The following AGAP1 variants were observed in gnomAD, a reference collection of about 807,000 sequenced individuals.
AGAP1 encodes ArfGAP with GTPase domain, ankyrin repeat and PH domain 1, also known as arf-GAP with GTPase, ANK repeat and PH domain-containing protein 1.
In AGAP1, 29 loss-of-function variants were observed where a neutral mutation model predicts 105.3. That is an observed-to-expected ratio of 0.28 (90% CI 0.21 to 0.38). The LOEUF is 0.38. Among genes scored for constraint, AGAP1 ranks in the 10% least tolerant of loss-of-function variants. AGAP1 has a pLI of 1.00. For synonymous variants in AGAP1, 509 were observed against 485.9 expected (o/e 1.05, Z -0.63); for missense variants, 998 against 1,165.1 (o/e 0.86, Z 2.09).
chr2:236,028,175 A>G (rs1047987674), intron 13 of AGAP1, among the ~76,000 whole-genome samples: 20 of 152,166 alleles, frequency 1.3e-4, no homozygotes, highest in African/African-American at 4.6e-4. Context: ...GCTGGTGCCC[A>G]TCAGCCTGGG....
rs2050634151 is a variant in AGAP1 at position 235,893,262 on chromosome 2, A to T, written c.1155+9813A>T. Among the ~76,000 whole-genome samples, 1 of 149,972 alleles carries T rather than the reference A, an allele frequency of 6.7e-6. No homozygotes were observed. Among genetic ancestry groups the T allele is most frequent in the African/African-American group, 2.5e-5 (1 of 40,434 alleles). On this transcript the variant is annotated intron_variant, in intron 10 of 17. Transcript: ENST00000304032. This position sits in a 1 kb window ranked among gnomAD's most constrained non-coding sequence, Gnocchi z 4.7. The stretch of plus-strand genomic sequence containing the variant: ...GCGCGGGTGTGCCATGTCCATCATA[A>T]GGAAGCGCCGTGTCTGTAGCGTGGG...
chr2:235,773,350 G>A (rs993791574), intron 6 of AGAP1, among the ~76,000 whole-genome samples: 4 of 152,134 alleles, frequency 2.6e-5, no homozygotes, highest in African/African-American at 9.7e-5. Context: ...TTTGGCCTAC[G>A]GTCAGTCTGA....
chr2:235,713,180 A>G (rs991940918), intron 2 of AGAP1, among the ~76,000 whole-genome samples: 2 of 152,240 alleles, frequency 1.3e-5, no homozygotes, highest in Non-Finnish European at 2.9e-5. Flanking sequence ...TCCTCGAGAA[A>G]GAGAAACTGA....
chr2:235,884,137 C>A (rs1372867175), intron 10 of AGAP1, among the ~76,000 whole-genome samples: 1 of 152,196 alleles, frequency 6.6e-6, no homozygotes, highest in Non-Finnish European at 1.5e-5. Flanking sequence ...CATTCCATAA[C>A]TCTTACTTGA....
rs1415264819 is a variant in AGAP1 at position 236,014,397 on chromosome 2, C to T, written c.1646-22164C>T. Among the ~76,000 whole-genome samples the T allele has an allele frequency of 1.3e-5, 2 of 152,176 alleles. No homozygotes were observed. The highest frequency in any genetic ancestry group is 1.9e-4 in the East Asian group (1 of 5,194). ...CCAGGGTCTCTTGATTTGACATGCT[C>T]CTAATATTTGGCCGAATCAAAGGGC... On this transcript the variant is annotated intron_variant, in intron 13 of 17. Coordinates refer to ENST00000304032, the MANE Select transcript of AGAP1 (RefSeq NM_001037131.3). This position sits in a 1 kb window ranked among gnomAD's most constrained non-coding sequence, Gnocchi z 6.3.
chr2:235,599,459 G>A lies in AGAP1; in HGVS notation c.163+104610G>A, dbSNP rs1295596456. On this transcript the variant is annotated intron_variant, in intron 1 of 17. Transcript: ENST00000304032. The surrounding 1 kb of genome is among the most constrained non-coding windows in gnomAD (Gnocchi z 5.3). ...TGCATGAATTAGCCACACGCAGAGG[G>A]CAGTTATGTGTGATGTGGGAAATGA... is the stretch of plus-strand genomic sequence containing the variant. Among the ~76,000 whole-genome samples, 1 of 152,128 alleles carries A rather than the reference G, an allele frequency of 6.6e-6. No individual in the cohort carries two copies. Among genetic ancestry groups the A allele is most frequent in the African/African-American group, 2.4e-5 (1 of 41,438 alleles).
intron 8 of AGAP1, among the ~76,000 whole-genome samples, chr2:235,800,900 T>C (rs1379658503): frequency 6.6e-6 from 1 of 152,188 alleles, no homozygotes; most frequent in African/African-American, 2.4e-5. Context: ...TTTGGTTGAT[T>C]ACTGCTGACC....
At chr2:235,686,659 ATATATATT>A (rs1949455092) in intron 1 of AGAP1, among the ~76,000 whole-genome samples, 20 of 42,272 alleles carry the variant, frequency 4.7e-4, no homozygotes, top group East Asian at 2.1e-3. Context: ...ATATATATAT[ATATATATT>A]TTTTTTTTTT....
rs1347498093 is a variant in AGAP1, at chr2:235,660,171, T to G, written c.164-49008T>G. On this transcript the variant is annotated intron_variant, in intron 1 of 17. Transcript: ENST00000304032. This position sits in a 1 kb window ranked among gnomAD's most constrained non-coding sequence, Gnocchi z 5.3. ...TTCTCAGGGGGGCGGCCACCCAAGA[T>G]CAGCTGCGGCTGAGGATTTTTGTGG... is the stretch of plus-strand genomic sequence containing the variant. Among the ~76,000 whole-genome samples the G allele has an allele frequency of 1.3e-5, 2 of 152,088 alleles. No homozygotes were observed. Among genetic ancestry groups the G allele is most frequent in the African/African-American group, 4.8e-5 (2 of 41,428 alleles).
chr2:235,609,649 G>A lies in AGAP1; in HGVS notation c.164-99530G>A, dbSNP rs1574957575. Among the ~76,000 whole-genome samples the A allele has an allele frequency of 6.6e-6, 1 of 152,098 alleles. No homozygotes were observed. The highest frequency in any genetic ancestry group is 1.5e-5 in the Non-Finnish European group (1 of 68,020). On this transcript the variant is annotated intron_variant, in intron 1 of 17. Coordinates refer to ENST00000304032, the MANE Select transcript of AGAP1 (RefSeq NM_001037131.3). The surrounding 1 kb of genome is among the most constrained non-coding windows in gnomAD (Gnocchi z 5.1). Reference sequence around the variant, plus strand: ...GCCTGTCTCAGTGCTCTGGGGTCCCGTGCTGAGGGAGCATCCTTATGGTAA... The same window carrying A: ...GCCTGTCTCAGTGCTCTGGGGTCCCATGCTGAGGGAGCATCCTTATGGTAA...
rs533119587 is a variant in AGAP1, at chr2:235,798,287, C to T, written c.801+401C>T. ...AGTGGCATTCAATTATAATTACCAT[C>T]TCCCTTAGGTCCCATAGAAACTGCT... On this transcript the variant is annotated intron_variant, in intron 7 of 17. Transcript: ENST00000304032. 8.5e-5 allele frequency among the ~76,000 whole-genome samples: 13 copies of T among 152,302 alleles called. 1 individual carries two copies. The South Asian group carries it at 2.7e-3, about 32-fold the overall frequency.
chr2:235,593,259 G>T (rs982078674), intron 1 of AGAP1, among the ~76,000 whole-genome samples: 2 of 152,182 alleles, frequency 1.3e-5, no homozygotes, highest in African/African-American at 4.8e-5. Context: ...AGTGGATTGG[G>T]TAAATAGGCT....
In AGAP1 at chr2:235,551,715, A is replaced by C. The variant is rs1943815732; in HGVS notation, c.163+56866A>C. 6.6e-6 allele frequency among the ~76,000 whole-genome samples: 1 copy of C among 152,156 alleles called. No homozygotes were observed. The highest frequency in any genetic ancestry group is 2.1e-4 in the South Asian group (1 of 4,816). ...GCAGGATGTTTGCTGAGCATTTGTG[A>C]GTGGAGCATCTTTAGGGAAAGCAGG... On this transcript the variant is annotated intron_variant, in intron 1 of 17. Transcript: ENST00000304032. The surrounding 1 kb of genome is among the most constrained non-coding windows in gnomAD (Gnocchi z 4.8).
chr2:235,605,024 G>A (rs1271297946), intron 1 of AGAP1, among the ~76,000 whole-genome samples: 2 of 151,836 alleles, frequency 1.3e-5, no homozygotes, highest in Non-Finnish European at 2.9e-5. Context: ...GGCCACAGGC[G>A]TGCATCACCA....
At position 235,842,146 on chromosome 2, in the gene AGAP1, G is replaced by A. The variant is rs969434708; in HGVS notation, c.1050+34815G>A. 2.0e-5 allele frequency among the ~76,000 whole-genome samples: 3 copies of A among 152,154 alleles called. No individual in the cohort carries two copies. Among genetic ancestry groups the A allele is most frequent in the Admixed American group, 6.5e-5 (1 of 15,286 alleles). On this transcript the variant is annotated intron_variant, in intron 9 of 17. Coordinates refer to ENST00000304032, the MANE Select transcript of AGAP1 (RefSeq NM_001037131.3). This position sits in a 1 kb window ranked among gnomAD's most constrained non-coding sequence, Gnocchi z 5.3. ...AGCCTGCTGGCGTTGGGCTTCCTCCGCTCCTGGTTTCTTAGTTCTGGAGCA... is the reference window on the plus strand; with the variant it reads ...AGCCTGCTGGCGTTGGGCTTCCTCCACTCCTGGTTTCTTAGTTCTGGAGCA...
intron 13 of AGAP1, among the ~76,000 whole-genome samples, chr2:236,018,120 T>A (rs1356215791): frequency 6.6e-6 from 1 of 152,246 alleles, no homozygotes; most frequent in East Asian, 1.9e-4. Flanking sequence ...TGCACTAATG[T>A]ACAAACTTTT....
Position 236,062,781 on chromosome 2 carries a change from C to A in AGAP1, c.2114+13500C>A, listed in dbSNP as rs1009454726. ...GGTTCAAGCAAATTCTCTGCCTCAG[C>A]CTCCCAAGTAGCTGGGATTACAGGC... is the stretch of plus-strand genomic sequence containing the variant. On this transcript the variant is annotated intron_variant, in intron 16 of 17. Transcript: ENST00000304032. This position sits in a 1 kb window ranked among gnomAD's most constrained non-coding sequence, Gnocchi z 4.2. Among the ~76,000 whole-genome samples the A allele has an allele frequency of 6.6e-6, 1 of 152,174 alleles. No homozygotes were observed. The highest frequency in any genetic ancestry group is 1.5e-5 in the Non-Finnish European group (1 of 68,038).
intron 8 of AGAP1, among the ~76,000 whole-genome samples, chr2:235,802,852 ATGGTTGTGATGG>A (rs1957582166): frequency 8.4e-6 from 1 of 119,404 alleles, no homozygotes; most frequent in Non-Finnish European, 1.7e-5. Flanking sequence ...GGTTGTGATG[ATGGTTGTGATGG>A]TGATGATGCT....
At chr2:235,809,614 C>A (rs527656964) in intron 9 of AGAP1, among the ~76,000 whole-genome samples, 1 of 152,328 alleles carries the variant, frequency 6.6e-6, no homozygotes, top group South Asian at 2.1e-4. Flanking sequence ...TAAATCGGGG[C>A]ACCCTTGTCA....
Sources: gnomAD v4.1 joint callset for allele counts (sites outside exome capture counted in the v4.1 genomes callset) on GRCh38, gnomAD v4.1.1 for gene constraint, Gnocchi (gnomAD v3.1) non-coding constraint, MANE v1.5 for transcripts, NCBI Gene and HGNC (gene_info 2026-07-23, HGNC 2026-07-21) for gene names.